The following ABLIM2 variants were observed in gnomAD, a reference collection of about 807,000 sequenced individuals.
ABLIM2 encodes the protein actin-binding LIM protein 2.
In ABLIM2, 53 loss-of-function variants were observed where a neutral mutation model predicts 97.7. The ratio of observed to expected loss-of-function variants is 0.54; its 90% confidence interval spans 0.44 to 0.68. The LOEUF (loss-of-function observed/expected upper bound fraction) is 0.68. Among genes scored for constraint, ABLIM2 ranks in the 30% least tolerant of loss-of-function variants. The pLI, the probability that ABLIM2 is intolerant of heterozygous loss-of-function variation, is 0.00. For missense variants in ABLIM2, 835 were observed against 867.2 expected (o/e 0.96, Z 0.47); for synonymous variants, 361 against 345.8 (o/e 1.04, Z -0.49).
At chr4:8,049,199 C>T (rs1025649021) in intron 8 of ABLIM2, among the ~76,000 whole-genome samples, 7 of 152,226 alleles carry the variant, frequency 4.6e-5, no homozygotes, top group Non-Finnish European at 8.8e-5. Flanking sequence ...AGGTCTTATT[C>T]ACCTCTATGT....
chr4:8,047,396 C>T (rs1234176598), intron 8 of ABLIM2, among the ~76,000 whole-genome samples: 1 of 150,128 alleles, frequency 6.7e-6, no homozygotes, highest in Admixed American at 6.7e-5. Flanking sequence ...TCTTTCTCCT[C>T]CTCCTCCTCT....
intron 7 of ABLIM2, among the ~76,000 whole-genome samples, chr4:8,059,528 C>G (rs972193774): frequency 2.6e-5 from 4 of 152,094 alleles, no homozygotes; most frequent in East Asian, 1.9e-4. Flanking sequence ...CCCGGCCCCC[C>G]CACTTGACAT....
At chr4:8,079,761 CGT>C (rs147424853) in intron 5 of ABLIM2, among the ~76,000 whole-genome samples, 15,228 of 151,500 alleles carry the variant, frequency 0.1, 1,560 homozygotes, top group African/African-American at 0.26. Context: ...TGCGTGCGTG[CGT>C]GTGTGTGTGT....
intron 16 of ABLIM2, 105 bp from the exon 17 acceptor site, chr4:7,993,032 C>G: frequency 8.3e-7 from 1 of 1,202,260 alleles, no homozygotes; most frequent in Non-Finnish European, 1.2e-6. Context: ...GCTGGGCAAG[C>G]AACACAGGGG....
rs1792724781 is a variant in ABLIM2, at chr4:8,046,775, G to A, written c.823-1534C>T. Among the ~76,000 whole-genome samples, 1 of 152,160 alleles carries A rather than the reference G, an allele frequency of 6.6e-6. No homozygotes were observed. The highest frequency in any genetic ancestry group is 1.5e-5 in the Non-Finnish European group (1 of 68,028). On this transcript the variant is annotated intron_variant, in intron 8 of 20. Transcript: ENST00000447017. This position sits in a 1 kb window ranked among gnomAD's most constrained non-coding sequence, Gnocchi z 4.4. Reference sequence around the variant, plus strand: ...TATTTGGAGACAGGGTTTTTAAAAGGTCACTAGGATGGGCCCTAATCTGTT... The same window carrying A: ...TATTTGGAGACAGGGTTTTTAAAAGATCACTAGGATGGGCCCTAATCTGTT...
At chr4:8,077,153 C>G (rs888885347) in intron 6 of ABLIM2, among the ~76,000 whole-genome samples, 2 of 152,132 alleles carry the variant, frequency 1.3e-5, no homozygotes, top group Non-Finnish European at 2.9e-5. Context: ...GTGTAATTTT[C>G]ACACAGGGAA....
chr4:8,106,564 C>A lies in ABLIM2; in HGVS notation c.84G>T (p.Gly28=), dbSNP rs561888838. ...PSTAILCNTC[G]NVCKGEVLRV... is the part of the protein sequence containing the mutation. ...GCAGCACCTCGCCCTTGCACACATT[C>A]CCACACGTGTTGCACAGGATCGCCG... The change falls in exon 2 of 21, where the codon GGG becomes GGT. Residue 28 remains glycine, a synonymous_variant. Coordinates refer to ENST00000447017, the MANE Select transcript of ABLIM2 (RefSeq NM_001130083.2). 6.8e-5 allele frequency: 110 copies of A among 1,610,102 alleles called. No individual in the cohort carries two copies. In the South Asian group the frequency reaches 1.1e-3, roughly 16 times the overall value.
rs1407738704 is a variant in ABLIM2, at chr4:8,002,801, C to T, written c.1618+5258G>A. 6.6e-6 allele frequency among the ~76,000 whole-genome samples: 1 copy of T among 152,224 alleles called. No individual in the cohort carries two copies. Among genetic ancestry groups the T allele is most frequent in the Non-Finnish European group, 1.5e-5 (1 of 68,040 alleles). ...CCCTCACTGTTCTTCCAACCCACGG[C>T]CCGGCCTCCGCCCTGGGTGATGCGG... On this transcript the variant is annotated intron_variant, in intron 16 of 20. Coordinates refer to ENST00000447017, the MANE Select transcript of ABLIM2 (RefSeq NM_001130083.2). The surrounding 1 kb of genome is among the most constrained non-coding windows in gnomAD (Gnocchi z 6.1).
chr4:8,056,305 C>CTT (rs71175456), intron 7 of ABLIM2, among the ~76,000 whole-genome samples: 3,361 of 128,174 alleles, frequency 0.026, 101 homozygotes, highest in Middle Eastern at 0.07. Context: ...TTCTTTCTTT[C>CTT]TTTTTTTTTT....
rs532490854 is a variant in ABLIM2, at chr4:8,046,627, C to A, written c.823-1386G>T. Among the ~76,000 whole-genome samples, 6 of 152,294 alleles carry A rather than the reference C, an allele frequency of 3.9e-5. No individual in the cohort carries two copies. In the South Asian group the frequency reaches 6.2e-4, roughly 16 times the overall value. On this transcript the variant is annotated intron_variant, in intron 8 of 20. Coordinates refer to ENST00000447017, the MANE Select transcript of ABLIM2 (RefSeq NM_001130083.2). This position sits in a 1 kb window ranked among gnomAD's most constrained non-coding sequence, Gnocchi z 4.4. ...TGCCACCCCCAACAATTCTGTCCTGCCCATTTCAGGGGCCCATCCATGCAG... is the reference window on the plus strand; with the variant it reads ...TGCCACCCCCAACAATTCTGTCCTGACCATTTCAGGGGCCCATCCATGCAG...
rs1463966346 is a variant in ABLIM2 at position 8,021,008 on chromosome 4, TACCAC to T, written c.1268-710_1268-706del. On this transcript the variant is annotated intron_variant, in intron 12 of 20. Coordinates refer to ENST00000447017, the MANE Select transcript of ABLIM2 (RefSeq NM_001130083.2). This position sits in a 1 kb window ranked among gnomAD's most constrained non-coding sequence, Gnocchi z 5.5. ...AGTTGCTGGGACCACAGGTGTGCAC[TACCAC>T]GCCTGGCTAATTTTTTTAATTTTGT... Among the ~76,000 whole-genome samples the T allele has an allele frequency of 2.6e-5, 4 of 151,938 alleles. No homozygotes were observed. Among genetic ancestry groups the T allele is most frequent in the African/African-American group, 9.7e-5 (4 of 41,428 alleles).
chr4:8,075,848 T>C lies in ABLIM2; in HGVS notation c.675+1780A>G, dbSNP rs1378065703. ...AACTGGAAATCTGCTAAATAGGAAA[T>C]ATGAGTTGGGAAACACAGGGATGTT... On this transcript the variant is annotated intron_variant, in intron 6 of 20. Transcript: ENST00000447017. This position sits in a 1 kb window ranked among gnomAD's most constrained non-coding sequence, Gnocchi z 4.4. Among the ~76,000 whole-genome samples the C allele has an allele frequency of 6.6e-6, 1 of 152,074 alleles. No individual in the cohort carries two copies. Among genetic ancestry groups the C allele is most frequent in the African/African-American group, 2.4e-5 (1 of 41,370 alleles).
In ABLIM2 at chr4:7,965,860, C is replaced by T. The variant is rs1307906573; in HGVS notation, c.*1130G>A. 1 of 152,156 alleles carries T rather than the reference C, an allele frequency of 6.6e-6. No individual in the cohort carries two copies. Among genetic ancestry groups the T allele is most frequent in the African/African-American group, 2.4e-5 (1 of 41,354 alleles). 9.4% of individuals were successfully genotyped at this position (152,156 alleles called of 1,614,324 possible). A position where few individuals can be genotyped will look rare whatever the true frequency, so the allele number is the denominator to read the frequency against. ...TGTCTGTTTCAGGGAGCACATCGCT[C>T]CTGGGGCATGTGGGGTTTATGTTTC... On this transcript the variant is annotated 3_prime_UTR_variant, in exon 21 of 21. Transcript: ENST00000447017.
intron 1 of ABLIM2, 111 bp downstream of exon 1, chr4:8,158,569 G>T: frequency 7.5e-7 from 1 of 1,334,250 alleles, no homozygotes; most frequent in Non-Finnish European, 1.0e-6. Flanking sequence ...GGGTGGAGCC[G>T]CTGGGTGATT....
chr4:8,129,455 T>G (rs1180183597), intron 1 of ABLIM2, among the ~76,000 whole-genome samples: 1 of 152,222 alleles, frequency 6.6e-6, no homozygotes, highest in Admixed American at 6.5e-5. Flanking sequence ...TTAATTCATT[T>G]TAATTTAAAT....
intron 20 of ABLIM2, among the ~76,000 whole-genome samples, chr4:7,973,984 G>A (rs753341261): frequency 3.9e-5 from 6 of 152,226 alleles, no homozygotes; most frequent in Non-Finnish European, 5.9e-5. Flanking sequence ...CATGAAGTCT[G>A]TTGGCAGCCT....
At chr4:8,135,340 T>C (rs562595849) in intron 1 of ABLIM2, among the ~76,000 whole-genome samples, 1 of 152,308 alleles carries the variant, frequency 6.6e-6, no homozygotes, top group East Asian at 1.9e-4. Context: ...TTGCTATCGA[T>C]AGGTACTAAT....
chr4:8,143,434 C>CT (rs1851333318), intron 1 of ABLIM2, among the ~76,000 whole-genome samples: 1 of 152,110 alleles, frequency 6.6e-6, no homozygotes, highest in Non-Finnish European at 1.5e-5. Context: ...ACCCTGCACC[C>CT]TACCCAGGGC....
chr4:8,088,402 C>A (rs1052267244), intron 3 of ABLIM2, 118 bp from the exon 4 acceptor site: 1 of 755,612 alleles, frequency 1.3e-6, no homozygotes, highest in Non-Finnish European at 2.2e-6. Context: ...AAAGGTACCA[C>A]TCACAGGCTG....
Sources: allele counts gnomAD v4.1 joint callset (sites outside exome capture counted in the v4.1 genomes callset), GRCh38; gene constraint gnomAD v4.1.1; non-coding constraint Gnocchi (gnomAD v3.1); transcripts MANE v1.5; gene names NCBI Gene and HGNC (gene_info 2026-07-23, HGNC 2026-07-21).